The following EFR3A variants were observed in gnomAD, a reference collection of about 807,000 sequenced individuals.
The protein encoded by EFR3A is protein EFR3 homolog A.
A neutral mutation model predicts 104.4 loss-of-function variants in EFR3A; 76 were observed. The observed-to-expected ratio is 0.73, with a 90% CI of 0.60 to 0.88. The LOEUF is 0.88. Among genes scored for constraint, EFR3A ranks in the 40% least tolerant of loss-of-function variants. The pLI is 0.00. For missense variants in EFR3A, 985 were observed against 1,012.5 expected (o/e 0.97, Z 0.37); for synonymous variants, 330 against 330.0 (o/e 1.00, Z 0.00).
chr8:131,999,217 ATTG>A (rs1186601227), intron 19 of EFR3A, among the ~76,000 whole-genome samples: 2 of 152,056 alleles, frequency 1.3e-5, no homozygotes, highest in South Asian at 2.1e-4. Context: ...ACTGTAAAAG[ATTG>A]TTGTTTTTTC....
intron 10 of EFR3A, 60 bp downstream of exon 10, chr8:131,970,703 A>G (rs1427481908): frequency 6.7e-7 from 1 of 1,494,662 alleles, no homozygotes; most frequent in Non-Finnish European, 9.2e-7. Flanking sequence ...AAGCTCTCAC[A>G]TAAGGTCCTG....
intron 22 of EFR3A, among the ~76,000 whole-genome samples, chr8:132,009,177 A>G (rs950398471): frequency 3.9e-5 from 6 of 152,124 alleles, no homozygotes; most frequent in Non-Finnish European, 5.9e-5. Flanking sequence ...TATTAATTAA[A>G]ATGAAAACAC....
At chr8:131,943,690 A>G (rs1380984648) in intron 2 of EFR3A, among the ~76,000 whole-genome samples, 2 of 151,980 alleles carry the variant, frequency 1.3e-5, no homozygotes, top group Non-Finnish European at 2.9e-5. Flanking sequence ...GCCTCTACCT[A>G]CTAGATCCCA....
chr8:131,923,037 T>C, intron 1 of EFR3A, among the ~76,000 whole-genome samples: 1 of 152,126 alleles, frequency 6.6e-6, no homozygotes, highest in East Asian at 1.9e-4. Context: ...AGCACATGCA[T>C]TGGAATGAAA....
intron 22 of EFR3A, among the ~76,000 whole-genome samples, chr8:132,009,821 A>C (rs1791083294): frequency 6.6e-6 from 1 of 152,108 alleles, no homozygotes; most frequent in African/African-American, 2.4e-5. Context: ...TAAAAAACTA[A>C]AAATTATAAG....
chr8:131,965,644 G>A (rs891936070), intron 8 of EFR3A, among the ~76,000 whole-genome samples: 1 of 152,124 alleles, frequency 6.6e-6, no homozygotes. Flanking sequence ...ATTGTGGAAG[G>A]CAGTGTGGCA....
chr8:131,917,974 C>T (rs1816824450), intron 1 of EFR3A, among the ~76,000 whole-genome samples: 1 of 152,106 alleles, frequency 6.6e-6, no homozygotes, highest in Non-Finnish European at 1.5e-5. Flanking sequence ...GTTGTGACCA[C>T]AGTGTGTGTT....
At chr8:131,926,656 G>A (rs796616712) in intron 1 of EFR3A, among the ~76,000 whole-genome samples, 21 of 152,100 alleles carry the variant, frequency 1.4e-4, no homozygotes, top group African/African-American at 4.8e-4. Flanking sequence ...ATCTTGCTCT[G>A]TTGCTCAGGC....
chr8:131,944,780 A>G lies in EFR3A; in HGVS notation c.123A>G (p.Thr41=), dbSNP rs202067577. ...TGAAAACTGATATGGAGAAATTGACATTTTATGCAGTATCTGCTCCAGAGA... is the reference window on the plus strand; with the variant it reads ...TGAAAACTGATATGGAGAAATTGACGTTTTATGCAGTATCTGCTCCAGAGA... ...GLVKTDMEKL[T]FYAVSAPEKL... Residue 41 remains threonine (T), a synonymous_variant, in exon 3 of 23, where the codon ACA becomes ACG. Transcript: ENST00000254624. The G allele has an allele frequency of 3.1e-6, 5 of 1,604,846 alleles. No homozygotes were observed. The highest frequency in any genetic ancestry group is 1.7e-4 in the Middle Eastern group (1 of 6,032).
chr8:131,987,698 A>C lies in EFR3A; in HGVS notation c.2061A>C (p.Val687=), dbSNP rs760245200. 4.4e-6 allele frequency: 7 copies of C among 1,588,484 alleles called. No individual in the cohort carries two copies. ...ERLSVPYVPQ[V]TDEDRLSRRK... ...TGTCAGTTCCGTATGTACCACAAGT[A>C]ACAGGTAAGAGGAGGATAATTAGAA... The change falls in exon 18 of 23, where the codon GTA becomes GTC. Residue 687 remains valine (V), a synonymous_variant. Transcript: ENST00000254624.
intron 6 of EFR3A, among the ~76,000 whole-genome samples, chr8:131,954,604 G>A (rs1230293162): frequency 2.0e-5 from 3 of 150,360 alleles, no homozygotes; most frequent in Non-Finnish European, 4.4e-5. Context: ...GCCATACACA[G>A]AGATAATAAG....
chr8:131,985,771 A>G (rs1405087960), intron 16 of EFR3A, among the ~76,000 whole-genome samples: 2 of 152,218 alleles, frequency 1.3e-5, no homozygotes, highest in African/African-American at 2.4e-5. Context: ...CTCTTTGCTC[A>G]CAGTTCATTG....
intron 1 of EFR3A, among the ~76,000 whole-genome samples, chr8:131,918,184 G>C (rs1304806239): frequency 6.6e-6 from 1 of 152,210 alleles, no homozygotes; most frequent in Non-Finnish European, 1.5e-5. Context: ...CTACTCAGGA[G>C]GCTGAAGCAG....
intron 5 of EFR3A, among the ~76,000 whole-genome samples, chr8:131,951,648 TA>T (rs1818709790): frequency 6.6e-6 from 1 of 152,136 alleles, no homozygotes; most frequent in South Asian, 2.1e-4. Context: ...CTTTTGAATA[TA>T]TTTTTACCTG....
intron 5 of EFR3A, among the ~76,000 whole-genome samples, chr8:131,950,913 C>G (rs946258835): frequency 4.0e-5 from 6 of 151,874 alleles, no homozygotes; most frequent in Non-Finnish European, 4.4e-5. Flanking sequence ...ATGAGACATA[C>G]AGAAATGAGA....
chr8:131,977,098 G>T lies in EFR3A; in HGVS notation c.1326+6G>T. 2 of 1,594,334 alleles carry T rather than the reference G, an allele frequency of 1.3e-6. No homozygotes were observed. The highest frequency in any genetic ancestry group is 2.3e-5 in the East Asian group (1 of 44,194). On this transcript the variant is annotated splice_donor_region_variant and intron_variant, in intron 12 of 22. Coordinates refer to ENST00000254624, the MANE Select transcript of EFR3A (RefSeq NM_015137.6). ...TGCTGAGATCTTTGCTTATGGTAAG[G>T]CATTTAAGACAAATAAAGGACACAC...
At chr8:131,918,827 T>A (rs183437746) in intron 1 of EFR3A, among the ~76,000 whole-genome samples, 10 of 152,340 alleles carry the variant, frequency 6.6e-5, no homozygotes, top group South Asian at 2.1e-4. Flanking sequence ...TAAAATTTTT[T>A]AAAAAATTTA....
At chr8:131,940,618 A>G (rs1818121848) in intron 2 of EFR3A, 43 bp downstream of exon 2, 1 of 1,574,630 alleles carries the variant, frequency 6.4e-7, no homozygotes, top group Non-Finnish European at 8.6e-7. Flanking sequence ...TTGCTGACCC[A>G]TTCTGCCCCC....
At chr8:131,943,902 C>T (rs1436954559) in intron 2 of EFR3A, among the ~76,000 whole-genome samples, 1 of 151,894 alleles carries the variant, frequency 6.6e-6, no homozygotes, top group Non-Finnish European at 1.5e-5. Context: ...AGGAGAGAGG[C>T]ACCAAAGTAG....
Sources: allele counts gnomAD v4.1 joint callset (sites outside exome capture counted in the v4.1 genomes callset), GRCh38; gene constraint gnomAD v4.1.1; transcripts MANE v1.5; gene names NCBI Gene and HGNC (gene_info 2026-07-23, HGNC 2026-07-21).